ANTXR1: variants seen among roughly 807,000 people sequenced by gnomAD.
ANTXR1 encodes anthrax toxin receptor 1.
A neutral mutation model predicts 78.1 loss-of-function variants in ANTXR1; 19 were observed. That is an observed-to-expected ratio of 0.24 (90% CI 0.17 to 0.36). ANTXR1 has a LOEUF of 0.36. ANTXR1 is among the 10% of genes least tolerant of loss of function. The pLI, the probability that ANTXR1 is intolerant of heterozygous loss-of-function variation, is 1.00. For synonymous variants in ANTXR1, 273 were observed against 260.5 expected (o/e 1.05, Z -0.46); for missense variants, 518 against 718.6 (o/e 0.72, Z 3.19).
intron 1 of ANTXR1, among the ~76,000 whole-genome samples, chr2:69,022,715 A>T (rs924817484): frequency 6.6e-5 from 10 of 152,216 alleles, no homozygotes; most frequent in Non-Finnish European, 2.9e-5. Context: ...GTGAGTCATA[A>T]GACTGAACAG....
chr2:69,154,971 G>T (rs1000637262), intron 13 of ANTXR1, among the ~76,000 whole-genome samples: 1 of 152,184 alleles, frequency 6.6e-6, no homozygotes, highest in South Asian at 2.1e-4. Context: ...TGGCCAGGAT[G>T]AGCAGACCAG....
chr2:69,231,353 T>C (rs1465949327), intron 17 of ANTXR1, among the ~76,000 whole-genome samples: 1 of 152,134 alleles, frequency 6.6e-6, no homozygotes, highest in Non-Finnish European at 1.5e-5. Flanking sequence ...CATAAAGTCC[T>C]AGTCCATCAG....
chr2:69,028,261 A>G (rs1671412334), intron 1 of ANTXR1, among the ~76,000 whole-genome samples: 1 of 152,236 alleles, frequency 6.6e-6, no homozygotes, highest in Non-Finnish European at 1.5e-5. Flanking sequence ...ATCTCAATTA[A>G]TTATTCATTA....
intron 14 of ANTXR1, among the ~76,000 whole-genome samples, chr2:69,177,404 T>A (rs912775392): frequency 6.6e-6 from 1 of 152,122 alleles, no homozygotes; most frequent in African/African-American, 2.4e-5. Context: ...ACAGACTTCA[T>A]CCTCTACAGC....
intron 14 of ANTXR1, among the ~76,000 whole-genome samples, chr2:69,171,514 G>A (rs754950375): frequency 3.9e-5 from 6 of 152,220 alleles, no homozygotes; most frequent in Admixed American, 6.5e-5. Flanking sequence ...AATAGAGCAA[G>A]GAGCTCCCTT....
intron 9 of ANTXR1, among the ~76,000 whole-genome samples, chr2:69,091,722 G>C (rs753275598): frequency 6.6e-6 from 1 of 152,128 alleles, no homozygotes; most frequent in Non-Finnish European, 1.5e-5. Flanking sequence ...TGTTTAATCT[G>C]CCAGTCCTCA....
intron 9 of ANTXR1, among the ~76,000 whole-genome samples, chr2:69,101,642 A>C (rs530254646): frequency 6.6e-6 from 1 of 152,338 alleles, no homozygotes; most frequent in Admixed American, 6.5e-5. Context: ...GACATTTATT[A>C]AGCTTCGAGA....
intron 1 of ANTXR1, among the ~76,000 whole-genome samples, chr2:69,016,221 A>G (rs991637812): frequency 2.0e-5 from 3 of 152,336 alleles, no homozygotes; most frequent in Middle Eastern, 3.4e-3. Context: ...AGTTAGTGCG[A>G]TTGAGGAAGT....
Position 69,190,435 on chromosome 2 carries a change from C to CAT in ANTXR1, c.1354-2899_1354-2898dup, listed in dbSNP as rs565736098. On this transcript the variant is annotated intron_variant, in intron 16 of 17. Coordinates refer to ENST00000303714, the MANE Select transcript of ANTXR1 (RefSeq NM_032208.3). ...TGCTGGATTCCTACACTCTGTATTACATTCTTTTCCATCTCTCTACAGAGC... is the reference window on the plus strand; with the variant it reads ...TGCTGGATTCCTACACTCTGTATTACATATTCTTTTCCATCTCTCTACAGAGC... 1.4e-4 allele frequency among the ~76,000 whole-genome samples: 21 copies of CAT among 152,336 alleles called. 1 individual carries two copies. The East Asian group carries it at 4.0e-3, about 29-fold the overall frequency.
At chr2:69,119,212 T>C (rs1672259295) in intron 10 of ANTXR1, among the ~76,000 whole-genome samples, 1 of 152,142 alleles carries the variant, frequency 6.6e-6, no homozygotes, top group Non-Finnish European at 1.5e-5. Flanking sequence ...GGCCAGGCGC[T>C]AACCCAGGAG....
chr2:69,203,167 T>C (rs2104488073), intron 17 of ANTXR1, among the ~76,000 whole-genome samples: 1 of 152,362 alleles, frequency 6.6e-6, no homozygotes, highest in Admixed American at 6.5e-5. Context: ...CCAACAGATC[T>C]GGAGGGAAAG....
At chr2:69,087,183 A>G (rs1438784959) in intron 8 of ANTXR1, among the ~76,000 whole-genome samples, 1 of 152,202 alleles carries the variant, frequency 6.6e-6, no homozygotes, top group Non-Finnish European at 1.5e-5. Context: ...TTCAGAGTCC[A>G]AGTCTATCTT....
intron 12 of ANTXR1, among the ~76,000 whole-genome samples, chr2:69,130,152 G>C (rs62134405): frequency 0.14 from 20,955 of 152,186 alleles, 1,548 homozygotes; most frequent in Admixed American, 0.16. Flanking sequence ...CCAAGATGTG[G>C]CAGTGCGGCC....
intron 17 of ANTXR1, among the ~76,000 whole-genome samples, chr2:69,236,341 T>C (rs1181182381): frequency 2.0e-5 from 3 of 152,198 alleles, no homozygotes; most frequent in African/African-American, 7.2e-5. Flanking sequence ...AGTGTATATA[T>C]GTATATGTAT....
At chr2:69,141,546 C>T (rs1453693159) in intron 12 of ANTXR1, among the ~76,000 whole-genome samples, 1 of 152,158 alleles carries the variant, frequency 6.6e-6, no homozygotes, top group Non-Finnish European at 1.5e-5. Flanking sequence ...GTGAGTCTGT[C>T]TCGGGTCTCG....
intron 10 of ANTXR1, 118 bp downstream of exon 10, chr2:69,103,058 C>A: frequency 9.3e-7 from 1 of 1,072,908 alleles, no homozygotes; most frequent in African/African-American, 1.5e-5. Context: ...GTCTTATTTG[C>A]TGGAAAGACC....
intron 10 of ANTXR1, among the ~76,000 whole-genome samples, chr2:69,106,228 C>T (rs377321180): frequency 6.6e-6 from 1 of 152,340 alleles, no homozygotes; most frequent in African/African-American, 2.4e-5. Context: ...ATACATGCTT[C>T]TCTCCCAATT....
At chr2:69,059,386 C>T (rs559296672) in intron 3 of ANTXR1, among the ~76,000 whole-genome samples, 69 of 152,312 alleles carry the variant, frequency 4.5e-4, no homozygotes, top group African/African-American at 1.6e-3. Context: ...AGTATCGAGG[C>T]AGAACCCTCC....
intron 10 of ANTXR1, among the ~76,000 whole-genome samples, chr2:69,106,801 G>T (rs181874352): frequency 6.6e-6 from 1 of 152,228 alleles, no homozygotes; most frequent in East Asian, 1.9e-4. Flanking sequence ...ACCCCCTAAA[G>T]GTGGGCTGAT....
Sources: gnomAD v4.1 joint callset for allele counts (sites outside exome capture counted in the v4.1 genomes callset) on GRCh38, gnomAD v4.1.1 for gene constraint, MANE v1.5 for transcripts, NCBI Gene and HGNC (gene_info 2026-07-23, HGNC 2026-07-21) for gene names.